Variants in PCDHGA10 observed in about 807,000 individuals in gnomAD.
PCDHGA10 encodes the protein protocadherin gamma-A10.
A neutral mutation model predicts 59.5 loss-of-function variants in PCDHGA10; 42 were observed. That is an observed-to-expected ratio of 0.71 (90% CI 0.55 to 0.91). The LOEUF (loss-of-function observed/expected upper bound fraction) is 0.91, where lower values mean the gene tolerates loss of function less well. PCDHGA10 is among the 40% of genes least tolerant of loss of function. The pLI is 0.00. For missense variants in PCDHGA10, 1,111 were observed against 1,198.2 expected (o/e 0.93, Z 1.07); for synonymous variants, 511 against 517.2 (o/e 0.99, Z 0.16).
At chr5:141,483,706 C>T (rs1187078630) in intron 1 of PCDHGA10, among the ~76,000 whole-genome samples, 1 of 151,926 alleles carries the variant, frequency 6.6e-6, no homozygotes, top group African/African-American at 2.4e-5. Context: ...CTTTTTGACA[C>T]CAGAATATTG....
chr5:141,443,217 G>A (rs1447455858), intron 1 of PCDHGA10, among the ~76,000 whole-genome samples: 8 of 151,656 alleles, frequency 5.3e-5, no homozygotes, highest in African/African-American at 2.4e-5. Flanking sequence ...CTCGCCAGGC[G>A]CATCTATAAT....
At chr5:141,478,251 T>C in intron 1 of PCDHGA10, 1 of 1,614,072 alleles carries the variant, frequency 6.2e-7, no homozygotes, top group Non-Finnish European at 8.5e-7. Context: ...GTGTTCGGAG[T>C]AATCATATTC....
At position 141,431,871 on chromosome 5, in the gene PCDHGA10, T is replaced by C; in HGVS notation, c.2436+16260T>C. The C allele has an allele frequency of 1.9e-6, 3 of 1,614,234 alleles. No homozygotes were observed. The highest frequency in any genetic ancestry group is 2.5e-6 in the Non-Finnish European group (3 of 1,180,032). The stretch of plus-strand genomic sequence containing the variant: ...GGGACATTAATTGCCCTTTTAAATG[T>C]AAATGACCAAGATTCTGAGGAAAAC... On this transcript the variant is annotated intron_variant, in intron 1 of 3. Coordinates refer to ENST00000398610, the MANE Select transcript of PCDHGA10 (RefSeq NM_018913.3). The surrounding 1 kb of genome is among the most constrained non-coding windows in gnomAD (Gnocchi z 4.8).
At chr5:141,427,957 C>A in intron 1 of PCDHGA10, 2 of 1,588,400 alleles carry the variant, frequency 1.3e-6, no homozygotes, top group Non-Finnish European at 1.7e-6. Flanking sequence ...GACAATGTGC[C>A]GCGGGTGCTG....
intron 1 of PCDHGA10, among the ~76,000 whole-genome samples, chr5:141,448,214 G>A (rs2098576063): frequency 6.6e-6 from 1 of 152,092 alleles, no homozygotes; most frequent in Non-Finnish European, 1.5e-5. Context: ...CTGTGTGTAT[G>A]CGAATGTATG....
In PCDHGA10 at chr5:141,490,442, A is replaced by T. The variant is rs757900187; in HGVS notation, c.2437-4365A>T. On this transcript the variant is annotated intron_variant, in intron 1 of 3. Transcript: ENST00000398610. The surrounding 1 kb of genome is among the most constrained non-coding windows in gnomAD (Gnocchi z 5.4). ...CTGCCATTTCAGATTAAGCCTTCTG[A>T]GAACCACTACTCGCTGCTAACCAGC... 16 of 1,614,092 alleles carry T rather than the reference A, an allele frequency of 9.9e-6. No individual in the cohort carries two copies. Among genetic ancestry groups the T allele is most frequent in the Non-Finnish European group, 1.2e-5 (14 of 1,180,044 alleles).
intron 2 of PCDHGA10, among the ~76,000 whole-genome samples, chr5:141,499,015 AG>A (rs2099788530): frequency 6.6e-6 from 1 of 151,284 alleles, no homozygotes; most frequent in Non-Finnish European, 1.5e-5. Context: ...GAAGGAAGGA[AG>A]GAAGGAAGGA....
chr5:141,428,426 C>T (rs1040765233), intron 1 of PCDHGA10: 1 of 435,172 alleles, frequency 2.3e-6, no homozygotes, highest in African/African-American at 2.0e-5. Context: ...GGTCTCTGTT[C>T]TAAGACTAGA....
At chr5:141,423,722 GT>G in intron 1 of PCDHGA10, 1 of 954,176 alleles carries the variant, frequency 1.0e-6, no homozygotes, top group Admixed American at 5.1e-5. Flanking sequence ...TTAAGGAGAT[GT>G]TTTTTGAGCC....
At chr5:141,474,607 A>C (rs1334447439) in intron 1 of PCDHGA10, among the ~76,000 whole-genome samples, 1 of 152,238 alleles carries the variant, frequency 6.6e-6, no homozygotes, top group Non-Finnish European at 1.5e-5. Context: ...TAGGTCACAT[A>C]TGGCTTTTCA....
chr5:141,460,983 G>GTGTATA (rs1554142949), intron 1 of PCDHGA10, among the ~76,000 whole-genome samples: 24 of 137,844 alleles, frequency 1.7e-4, no homozygotes, highest in African/African-American at 5.4e-4. Context: ...GTGTGTGTGT[G>GTGTATA]TATATATATA....
intron 1 of PCDHGA10, chr5:141,427,831 G>A (rs2097077070): frequency 6.5e-7 from 1 of 1,539,366 alleles, no homozygotes; most frequent in East Asian, 2.2e-5. Context: ...GTCGCGCAGC[G>A]TGCCTTCGAC....
At chr5:141,480,703 C>G (rs577131684) in intron 1 of PCDHGA10, among the ~76,000 whole-genome samples, 1 of 152,134 alleles carries the variant, frequency 6.6e-6, no homozygotes, top group African/African-American at 2.4e-5. Context: ...GGCCACACCC[C>G]GACAAATGAA....
At chr5:141,504,990 C>T (rs1056476591) in intron 2 of PCDHGA10, among the ~76,000 whole-genome samples, 3 of 151,976 alleles carry the variant, frequency 2.0e-5, no homozygotes, top group Non-Finnish European at 2.9e-5. Context: ...GGTGAAACCC[C>T]GTCTGTACTA....
chr5:141,422,850 G>C (rs184432819), intron 1 of PCDHGA10: 30 of 1,614,086 alleles, frequency 1.9e-5, no homozygotes, highest in Middle Eastern at 1.6e-4. Flanking sequence ...GCGGGGACCC[G>C]CCCCTCAGCA....
At chr5:141,443,604 G>A (rs1561911807) in intron 1 of PCDHGA10, among the ~76,000 whole-genome samples, 1 of 152,194 alleles carries the variant, frequency 6.6e-6, no homozygotes, top group Non-Finnish European at 1.5e-5. Context: ...TATATGAAAT[G>A]TTCTTATAAT....
chr5:141,499,996 C>A (rs1246090346), intron 2 of PCDHGA10, among the ~76,000 whole-genome samples: 2 of 151,572 alleles, frequency 1.3e-5, no homozygotes, highest in Non-Finnish European at 2.9e-5. Flanking sequence ...CCAGATGATT[C>A]TTTCATAAGG....
intron 1 of PCDHGA10, chr5:141,426,610 C>G (rs1376781969): frequency 2.6e-6 from 1 of 382,832 alleles, no homozygotes; most frequent in Non-Finnish European, 5.3e-6. Context: ...GAGATTGTAG[C>G]AGAGAATCCT....
At chr5:141,481,813 G>C (rs185558948) in intron 1 of PCDHGA10, among the ~76,000 whole-genome samples, 1 of 151,824 alleles carries the variant, frequency 6.6e-6, no homozygotes, top group African/African-American at 2.4e-5. Flanking sequence ...TTCACCAGGC[G>C]TGGTGGCTGA....
Sources: allele counts gnomAD v4.1 joint callset (sites outside exome capture counted in the v4.1 genomes callset), GRCh38; gene constraint gnomAD v4.1.1; non-coding constraint Gnocchi (gnomAD v3.1); transcripts MANE v1.5; gene names NCBI Gene and HGNC (gene_info 2026-07-23, HGNC 2026-07-21).